The following FCHO2 variants were observed in gnomAD, a reference collection of about 807,000 sequenced individuals.
FCHO2 encodes FCH and mu domain containing endocytic adaptor 2, also known as F-BAR domain only protein 2.
In FCHO2, 43 loss-of-function variants were observed where a neutral mutation model predicts 114.1. The observed-to-expected ratio is 0.38, with a 90% CI of 0.30 to 0.49. The LOEUF (loss-of-function observed/expected upper bound fraction) is 0.49, where lower values mean the gene tolerates loss of function less well. Ranked by LOEUF, FCHO2 falls within the 20% of genes least tolerant of loss-of-function variation. The probability of loss-of-function intolerance (pLI) is 0.97; values close to 1 mark genes in which losing one functional copy is unlikely to be tolerated. For missense variants in FCHO2, 807 were observed against 950.4 expected (o/e 0.85, Z 1.98); for synonymous variants, 293 against 315.2 (o/e 0.93, Z 0.75).
intron 8 of FCHO2, among the ~76,000 whole-genome samples, chr5:73,033,397 G>A (rs1756335549): frequency 1.3e-5 from 2 of 151,976 alleles, no homozygotes; most frequent in Admixed American, 1.3e-4. Flanking sequence ...TTAGGGGGAG[G>A]GAGAGGGACA....
intron 24 of FCHO2, among the ~76,000 whole-genome samples, chr5:73,086,450 T>A (rs1174508395): frequency 2.0e-5 from 3 of 152,222 alleles, no homozygotes; most frequent in Non-Finnish European, 4.4e-5. Flanking sequence ...GATCACAGGA[T>A]CTTACTGCTA....
At chr5:73,041,167 C>T (rs879060445) in intron 10 of FCHO2, 124 bp from the exon 11 acceptor site, 3 of 641,160 alleles carry the variant, frequency 4.7e-6, no homozygotes, top group South Asian at 1.9e-5. Flanking sequence ...GGTTTGATTT[C>T]TCTGAATATT....
At chr5:73,047,654 T>C (rs1196514775) in intron 11 of FCHO2, among the ~76,000 whole-genome samples, 1 of 151,954 alleles carries the variant, frequency 6.6e-6, no homozygotes, top group Non-Finnish European at 1.5e-5. Context: ...CCAGAATCAC[T>C]GAATGCTCAA....
chr5:72,970,815 G>A (rs1238123683), intron 2 of FCHO2, among the ~76,000 whole-genome samples: 1 of 151,928 alleles, frequency 6.6e-6, no homozygotes, highest in Non-Finnish European at 1.5e-5. Flanking sequence ...TCGTCATCTA[G>A]CATTAGGTAT....
chr5:73,053,661 A>T (rs1757438469), intron 13 of FCHO2, among the ~76,000 whole-genome samples: 1 of 151,088 alleles, frequency 6.6e-6, no homozygotes, highest in South Asian at 2.1e-4. Context: ...GCACCACTGC[A>T]CTCCAGCCTG....
chr5:73,082,876 ATTTT>A, intron 24 of FCHO2, 51 bp downstream of exon 24: 14 of 1,210,470 alleles, frequency 1.2e-5, no homozygotes, highest in Admixed American at 2.8e-5. Flanking sequence ...CTGAAAATTG[ATTTT>A]TTTTTTTTTT....
chr5:73,075,598 A>T (rs1742873903), intron 20 of FCHO2, among the ~76,000 whole-genome samples: 1 of 152,160 alleles, frequency 6.6e-6, no homozygotes, highest in Non-Finnish European at 1.5e-5. Flanking sequence ...ATGAAATTAC[A>T]TGTGTTTTCA....
chr5:72,959,212 A>G (rs1282664693), intron 1 of FCHO2, among the ~76,000 whole-genome samples: 12 of 152,220 alleles, frequency 7.9e-5, no homozygotes, highest in Admixed American at 7.2e-4. Context: ...GAGAATTTAT[A>G]GTTGTCATTT....
At chr5:73,013,825 A>G (rs1755153022) in intron 6 of FCHO2, among the ~76,000 whole-genome samples, 1 of 152,124 alleles carries the variant, frequency 6.6e-6, no homozygotes, top group Admixed American at 6.5e-5. Context: ...AGCTGGGATT[A>G]CAGGCATGCG....
intron 12 of FCHO2, 42 bp from the exon 13 acceptor site, chr5:73,052,290 C>T (rs369609913): frequency 6.4e-5 from 97 of 1,517,806 alleles, no homozygotes; most frequent in Non-Finnish European, 7.9e-5. Flanking sequence ...ACTGGTTATA[C>T]GTCTAAGGTA....
intron 5 of FCHO2, among the ~76,000 whole-genome samples, chr5:73,000,723 C>T (rs1036769506): frequency 3.3e-5 from 5 of 151,388 alleles, no homozygotes; most frequent in East Asian, 2.0e-4. Context: ...TGTGGTGAGC[C>T]GAGATTGTGG....
At chr5:73,049,526 A>G (rs1181276695) in intron 11 of FCHO2, among the ~76,000 whole-genome samples, 1 of 151,866 alleles carries the variant, frequency 6.6e-6, no homozygotes, top group South Asian at 2.1e-4. Flanking sequence ...TATCTGTAGT[A>G]TTTATTGGCT....
chr5:72,984,390 C>T (rs1753392274), intron 2 of FCHO2, among the ~76,000 whole-genome samples: 1 of 152,090 alleles, frequency 6.6e-6, no homozygotes, highest in Non-Finnish European at 1.5e-5. Flanking sequence ...AGTTTGTTGG[C>T]TTCATAAAAT....
intron 11 of FCHO2, among the ~76,000 whole-genome samples, chr5:73,044,243 C>A (rs1240889816): frequency 1.3e-5 from 2 of 152,102 alleles, no homozygotes; most frequent in Admixed American, 1.3e-4. Context: ...TCAGATAGTT[C>A]TTGATAGCGA....
chr5:73,080,022 ATG>A (rs1433845128), intron 22 of FCHO2, among the ~76,000 whole-genome samples: 1 of 152,240 alleles, frequency 6.6e-6, no homozygotes, highest in Non-Finnish European at 1.5e-5. Context: ...TGATAAATAA[ATG>A]TGTGTGTTTA....
At chr5:73,071,723 G>C (rs1027139872) in intron 19 of FCHO2, among the ~76,000 whole-genome samples, 2 of 151,958 alleles carry the variant, frequency 1.3e-5, no homozygotes, top group Non-Finnish European at 2.9e-5. Flanking sequence ...GTATCCATGT[G>C]CAATACGATC....
chr5:73,034,729 T>G, intron 9 of FCHO2, 28 bp downstream of exon 9: 1 of 1,546,908 alleles, frequency 6.5e-7, no homozygotes, highest in Non-Finnish European at 8.7e-7. Flanking sequence ...AATATGTTAA[T>G]GCACATGGCA....
intron 2 of FCHO2, among the ~76,000 whole-genome samples, chr5:72,970,429 G>T (rs1752459382): frequency 6.6e-6 from 1 of 151,268 alleles, no homozygotes; most frequent in African/African-American, 2.4e-5. Context: ...TCCAGGCTTT[G>T]TAAATACTTA....
chr5:72,958,204 T>A (rs1452954666), intron 1 of FCHO2, among the ~76,000 whole-genome samples: 1 of 152,208 alleles, frequency 6.6e-6, no homozygotes. Flanking sequence ...GTCCATCTTA[T>A]CTATTTTTTT....
Sources: gnomAD v4.1 joint callset for allele counts (sites outside exome capture counted in the v4.1 genomes callset) on GRCh38, gnomAD v4.1.1 for gene constraint, MANE v1.5 for transcripts, NCBI Gene and HGNC (gene_info 2026-07-23, HGNC 2026-07-21) for gene names.